The following PAM variants were observed in gnomAD, a reference collection of about 807,000 sequenced individuals.
PAM encodes the protein peptidylglycine alpha-amidating monooxygenase, also known as peptidyl-glycine alpha-amidating monooxygenase.
PAM carries 72 observed loss-of-function variants against 122.1 expected under a neutral mutation model. The ratio of observed to expected loss-of-function variants is 0.59; its 90% CI spans 0.49 to 0.72. PAM has a LOEUF of 0.72. Ranked by LOEUF, PAM falls within the 30% of genes least tolerant of loss-of-function variation. PAM has a pLI of 0.00. For synonymous variants in PAM, 389 were observed against 404.4 expected, an observed-to-expected ratio of 0.96 and a Z score of 0.46; for missense variants, 1,106 against 1,183.7, an observed-to-expected ratio of 0.93 and a Z score of 0.96.
chr5:102,829,727 A>C (rs1774876686), intron 1 of PAM, among the ~76,000 whole-genome samples: 1 of 152,274 alleles, frequency 6.6e-6, no homozygotes, highest in Admixed American at 6.5e-5. Flanking sequence ...AATAATTCTG[A>C]AAATGCCTTT....
At chr5:102,838,444 T>C (rs1777674047) in intron 1 of PAM, 1 of 152,140 alleles carries the variant, frequency 6.6e-6, no homozygotes, top group African/African-American at 2.4e-5. Context: ...CAGCTGAATA[T>C]GTGGGGAGAA....
intron 12 of PAM, among the ~76,000 whole-genome samples, chr5:102,951,680 A>T (rs1380242149): frequency 6.6e-6 from 1 of 152,138 alleles, no homozygotes; most frequent in Non-Finnish European, 1.5e-5. Flanking sequence ...AGGCAGGTTT[A>T]AAAAGGAAAG....
chr5:102,868,424 T>C (rs1419816302), intron 3 of PAM, among the ~76,000 whole-genome samples: 1 of 152,238 alleles, frequency 6.6e-6, no homozygotes, highest in African/African-American at 2.4e-5. Context: ...TATGATTGTC[T>C]ATAACTAACT....
chr5:102,961,863 C>G (rs1421915697), intron 14 of PAM, among the ~76,000 whole-genome samples: 1 of 151,884 alleles, frequency 6.6e-6, no homozygotes, highest in Non-Finnish European at 1.5e-5. Flanking sequence ...TGAATCTTGG[C>G]TTTTTGCCAG....
chr5:102,901,226 C>T, intron 3 of PAM, 130 bp from the exon 4 acceptor site: 1 of 587,424 alleles, frequency 1.7e-6, no homozygotes, highest in Non-Finnish European at 3.1e-6. Flanking sequence ...TAACCTGCCA[C>T]TCAGCCCTCA....
chr5:103,018,797 C>T (rs371505836), intron 22 of PAM, among the ~76,000 whole-genome samples: 55 of 152,232 alleles, frequency 3.6e-4, no homozygotes, highest in African/African-American at 1.3e-3. Flanking sequence ...CCCTGTATAC[C>T]GTGATCCCCA....
chr5:102,973,094 G>A (rs1012718592), intron 14 of PAM, among the ~76,000 whole-genome samples: 2 of 152,172 alleles, frequency 1.3e-5, no homozygotes, highest in Admixed American at 1.3e-4. Flanking sequence ...TGCTGTAAAT[G>A]TAATTAAAAC....
At chr5:102,809,196 G>A (rs1221694166) in intron 1 of PAM, among the ~76,000 whole-genome samples, 1 of 151,864 alleles carries the variant, frequency 6.6e-6, no homozygotes, top group Non-Finnish European at 1.5e-5. Flanking sequence ...GATTCCCAAG[G>A]AATGATTCAG....
chr5:102,975,532 A>G (rs1582421641), intron 15 of PAM, among the ~76,000 whole-genome samples: 1 of 152,122 alleles, frequency 6.6e-6, no homozygotes. Context: ...AAATAAAACT[A>G]TGTTTCTCAT....
At chr5:102,840,370 A>G (rs1471796120) in intron 1 of PAM, among the ~76,000 whole-genome samples, 1 of 152,164 alleles carries the variant, frequency 6.6e-6, no homozygotes, top group African/African-American at 2.4e-5. Context: ...CTTTGTGACA[A>G]AAATTCATCA....
intron 5 of PAM, among the ~76,000 whole-genome samples, chr5:102,920,272 TATTTTTATTC>T (rs1330816231): frequency 3.3e-5 from 5 of 152,036 alleles, no homozygotes; most frequent in Non-Finnish European, 7.4e-5. Context: ...GGATAGCTAT[TATTTTTATTC>T]ATTTATTGAT....
At chr5:102,824,866 A>G (rs1773119465) in intron 1 of PAM, among the ~76,000 whole-genome samples, 1 of 152,196 alleles carries the variant, frequency 6.6e-6, no homozygotes, top group Non-Finnish European at 1.5e-5. Flanking sequence ...TATAAACCAC[A>G]TAGTTAGCAT....
At chr5:102,962,800 C>T (rs1348183488) in intron 14 of PAM, among the ~76,000 whole-genome samples, 5 of 151,586 alleles carry the variant, frequency 3.3e-5, no homozygotes, top group Non-Finnish European at 5.9e-5. Flanking sequence ...ACTTTCATAC[C>T]TTGCCATTCA....
In PAM at chr5:102,867,194, A is replaced by C. The variant is rs1194536107; in HGVS notation, c.90-79A>C. The stretch of plus-strand genomic sequence containing the variant: ...AAATCAATCATCTTTAAGGTCATAG[A>C]ATTCCTTTCTTTCCCCTTCTCATGT... On this transcript the variant is annotated intron_variant, in intron 2 of 25. Transcript: ENST00000438793. The C allele has an allele frequency of 8.4e-6, 8 of 947,532 alleles. No individual in the cohort carries two copies. The African/African-American group carries it at 1.1e-4, about 14-fold the overall frequency. The allele number at this position is 947,532 out of a possible 1,614,324, so 58.7% of individuals were successfully genotyped here. A position where few individuals can be genotyped will look rare whatever the true frequency, so the allele number is the denominator to read the frequency against.
intron 3 of PAM, among the ~76,000 whole-genome samples, chr5:102,884,052 A>G (rs1438985414): frequency 1.3e-5 from 2 of 151,822 alleles, no homozygotes; most frequent in Admixed American, 1.3e-4. Flanking sequence ...AATAATAACA[A>G]AAATCCCAAT....
intron 1 of PAM, among the ~76,000 whole-genome samples, chr5:102,828,918 G>GTTTT (rs58045947): frequency 1.6e-5 from 2 of 126,030 alleles, no homozygotes; most frequent in African/African-American, 3.0e-5. Context: ...CTACCTCAGG[G>GTTTT]TTTTTTTTTT....
intron 7 of PAM, among the ~76,000 whole-genome samples, chr5:102,940,157 CACACACAT>C (rs1226912575): frequency 4.6e-5 from 7 of 150,690 alleles, no homozygotes; most frequent in African/African-American, 1.7e-4. Context: ...CACATACACA[CACACACAT>C]ATATATGAAA....
intron 1 of PAM, among the ~76,000 whole-genome samples, chr5:102,791,464 T>C (rs32674): frequency 0.3 from 45,146 of 151,864 alleles, 7,121 homozygotes; most frequent in Non-Finnish European, 0.35. Flanking sequence ...TGAACATTTT[T>C]ATATTATTTT....
intron 1 of PAM, among the ~76,000 whole-genome samples, chr5:102,852,830 C>T (rs1781663433): frequency 6.6e-6 from 1 of 152,114 alleles, no homozygotes; most frequent in Non-Finnish European, 1.5e-5. Flanking sequence ...ATTACACATA[C>T]AGCATTTAGT....
Sources: gnomAD v4.1 joint callset for allele counts (sites outside exome capture counted in the v4.1 genomes callset) on GRCh38, gnomAD v4.1.1 for gene constraint, MANE v1.5 for transcripts, NCBI Gene and HGNC (gene_info 2026-07-23, HGNC 2026-07-21) for gene names.